Variants in DYNC2I2 observed in about 807,000 individuals in gnomAD.
DYNC2I2 encodes cytoplasmic dynein 2 intermediate chain 2.
A neutral mutation model predicts 52.0 loss-of-function variants in DYNC2I2; 39 were observed. That is an observed-to-expected ratio of 0.75 (90% CI 0.58 to 0.98). DYNC2I2 has a LOEUF of 0.98. Ranked by LOEUF, DYNC2I2 falls within the 50% of genes least tolerant of loss-of-function variation. The pLI is 0.00. For synonymous variants in DYNC2I2, 359 were observed against 321.1 expected (o/e 1.12, Z -1.26); for missense variants, 743 against 728.4 (o/e 1.02, Z -0.23).
intron 4 of DYNC2I2, 45 bp downstream of exon 4, chr9:128,636,236 G>C: frequency 6.4e-7 from 1 of 1,551,856 alleles, no homozygotes; most frequent in Non-Finnish European, 8.7e-7. Flanking sequence ...AGGGCGGGAA[G>C]CTGAGTCCTG....
At chr9:128,643,081 T>C (rs570905316) in intron 1 of DYNC2I2, among the ~76,000 whole-genome samples, 3 of 151,774 alleles carry the variant, frequency 2.0e-5, no homozygotes, top group Non-Finnish European at 2.9e-5. Context: ...TGGGCCAGAA[T>C]AAAATGTCGT....
the DYNC2I2 span, among the ~76,000 whole-genome samples, chr9:128,678,897 G>T: frequency 6.6e-6 from 1 of 151,972 alleles, no homozygotes. Flanking sequence ...GTGAAACTCT[G>T]TCTCTACTAA....
intron 1 of DYNC2I2, among the ~76,000 whole-genome samples, chr9:128,642,437 T>G: frequency 1.7e-5 from 2 of 119,516 alleles, no homozygotes; most frequent in East Asian, 5.0e-4. Flanking sequence ...GCCTGGCCTA[T>G]GGTAGGAGAC....
chr9:128,654,528 GAC>G (rs1265463370), intron 1 of DYNC2I2, among the ~76,000 whole-genome samples: 2 of 151,070 alleles, frequency 1.3e-5, no homozygotes, highest in Non-Finnish European at 2.9e-5. Context: ...TCCTCAAACA[GAC>G]AGATTTGCCC....
rs371987117 is a variant in DYNC2I2 at position 128,642,065 on chromosome 9, A to T, written c.187-1126T>A. Among the ~76,000 whole-genome samples the T allele has an allele frequency of 2.8e-4, 42 of 151,954 alleles. No individual in the cohort carries two copies. In the East Asian group the frequency reaches 6.6e-3, roughly 24 times the overall value. Reference sequence around the variant, plus strand: ...AATTTTGGGAGGCCGAGGCGGGCGGATCACAAGATCAGGAGATCAAGACCA... The same window carrying T: ...AATTTTGGGAGGCCGAGGCGGGCGGTTCACAAGATCAGGAGATCAAGACCA... On this transcript the variant is annotated intron_variant, in intron 1 of 8. Transcript: ENST00000372715.
chr9:128,643,089 C>T (rs1227078603), intron 1 of DYNC2I2, among the ~76,000 whole-genome samples: 1 of 151,924 alleles, frequency 6.6e-6, no homozygotes, highest in Non-Finnish European at 1.5e-5. Context: ...AATAAAATGT[C>T]GTGGAGGAAA....
chr9:128,679,468 A>C, the DYNC2I2 span, among the ~76,000 whole-genome samples: 10 of 151,984 alleles, frequency 6.6e-5, no homozygotes, highest in Admixed American at 2.6e-4. Flanking sequence ...TAATTAATTA[A>C]TTAATTACTT....
chr9:128,636,582 C>T (rs1860420370), intron 3 of DYNC2I2, 144 bp from the exon 4 acceptor site: 1 of 1,000,896 alleles, frequency 1.0e-6, no homozygotes, highest in African/African-American at 1.6e-5. Context: ...GTGGCCCACA[C>T]TCCACTCTAG....
At chr9:128,645,442 ACT>A (rs201496226) in intron 1 of DYNC2I2, among the ~76,000 whole-genome samples, 7,638 of 148,066 alleles carry the variant, frequency 0.052, 254 homozygotes, top group East Asian at 0.14. Flanking sequence ...CAAGAGTGAA[ACT>A]CTGTCTCAAA....
At chr9:128,647,474 G>T (rs1279128901) in intron 1 of DYNC2I2, among the ~76,000 whole-genome samples, 1 of 152,104 alleles carries the variant, frequency 6.6e-6, no homozygotes, top group Non-Finnish European at 1.5e-5. Context: ...TATGGCTCAC[G>T]CCTGCAATCC....
chr9:128,673,032 A>C, the DYNC2I2 span, among the ~76,000 whole-genome samples: 1 of 152,010 alleles, frequency 6.6e-6, no homozygotes, highest in African/African-American at 2.4e-5. Flanking sequence ...TCAAAAAAAA[A>C]CCCTTTTTAT....
chr9:128,645,036 C>T (rs1860588095), intron 1 of DYNC2I2, among the ~76,000 whole-genome samples: 1 of 152,182 alleles, frequency 6.6e-6, no homozygotes, highest in East Asian at 1.9e-4. Context: ...CTCCCTATTC[C>T]GAGACAAGAC....
intron 1 of DYNC2I2, among the ~76,000 whole-genome samples, chr9:128,644,765 C>T (rs1004122230): frequency 2.0e-5 from 3 of 152,224 alleles, no homozygotes; most frequent in African/African-American, 4.8e-5. Flanking sequence ...ACAAGCCTAT[C>T]GGGCCATTTT....
chr9:128,670,535 A>AG, the DYNC2I2 span, among the ~76,000 whole-genome samples: 5 of 148,526 alleles, frequency 3.4e-5, no homozygotes, highest in Admixed American at 6.7e-5. Context: ...CAAGAGATCG[A>AG]GACCACCCTG....
chr9:128,682,493 A>G, the DYNC2I2 span, among the ~76,000 whole-genome samples: 1 of 151,918 alleles, frequency 6.6e-6, no homozygotes, highest in Non-Finnish European at 1.5e-5. Context: ...CCTGGGCAAC[A>G]TGGCCAAACC....
upstream of DYNC2I2, among the ~76,000 whole-genome samples, chr9:128,658,628 A>G (rs764981275): frequency 1.3e-5 from 2 of 150,364 alleles, no homozygotes; most frequent in South Asian, 2.1e-4. Context: ...CGCCTGGCCA[A>G]TTTTTTGTAT....
chr9:128,633,904 G>A lies in DYNC2I2; in HGVS notation c.1451C>T (p.Pro484Leu). 1 of 1,613,390 alleles carries A rather than the reference G, an allele frequency of 6.2e-7. No homozygotes were observed. Among genetic ancestry groups the A allele is most frequent in the South Asian group, 1.1e-5 (1 of 91,088 alleles). ...GCTGTTGAACTCCAGACAGTAGACA[G>A]GGCTTTCATCCTGGGTTTGCTTGAT... ...VLIKQTQDES[P>L]VYCLEFNSQQ... The change falls in exon 9 of 9, where the codon CCT (proline) becomes CTT (leucine). Residue 484 changes from proline to leucine, a missense_variant. Physicochemically the swap from Pro to Leu is moderately conservative, Grantham distance 98. Coordinates refer to ENST00000372715, the MANE Select transcript of DYNC2I2 (RefSeq NM_052844.4).
At chr9:128,635,915 G>C in intron 4 of DYNC2I2, 148 bp from the exon 5 acceptor site, 1 of 746,848 alleles carries the variant, frequency 1.3e-6, no homozygotes, top group Admixed American at 2.3e-5. Flanking sequence ...CAGAGGGAGA[G>C]TCCTAGCCCC....
the DYNC2I2 span, among the ~76,000 whole-genome samples, chr9:128,674,478 T>G: frequency 6.9e-6 from 1 of 144,212 alleles, no homozygotes; most frequent in East Asian, 2.5e-4. Context: ...GCGTGGTGGC[T>G]CACGCCTGTA....
Sources: gnomAD v4.1 joint callset for allele counts (sites outside exome capture counted in the v4.1 genomes callset) on GRCh38, gnomAD v4.1.1 for gene constraint, MANE v1.5 for transcripts, NCBI Gene and HGNC (gene_info 2026-07-23, HGNC 2026-07-21) for gene names.